The following ACSS3 variants were observed in gnomAD, a reference collection of about 807,000 sequenced individuals.
The protein encoded by ACSS3 is acyl-CoA synthetase short chain family member 3.
ACSS3 carries 64 observed loss-of-function variants against 84.2 expected under a neutral mutation model. The ratio of observed to expected loss-of-function variants is 0.76; its 90% CI spans 0.62 to 0.94. ACSS3 has a LOEUF of 0.94. Ranked by LOEUF, ACSS3 falls within the 40% of genes least tolerant of loss-of-function variation. The pLI, the probability that ACSS3 is intolerant of heterozygous loss-of-function variation, is 0.00. For synonymous variants in ACSS3, 317 were observed against 310.1 expected (o/e 1.02, Z -0.23); for missense variants, 815 against 867.6 (o/e 0.94, Z 0.76).
At chr12:81,081,161 C>T (rs1454391719) in intron 1 of ACSS3, among the ~76,000 whole-genome samples, 1 of 152,130 alleles carries the variant, frequency 6.6e-6, no homozygotes, top group Non-Finnish European at 1.5e-5. Flanking sequence ...AAAGTCTCAG[C>T]ATATAAATAG....
chr12:81,120,454 A>T (rs932369380), intron 2 of ACSS3, among the ~76,000 whole-genome samples: 4 of 152,354 alleles, frequency 2.6e-5, no homozygotes, highest in African/African-American at 7.2e-5. Flanking sequence ...AAAAATTAAC[A>T]TATGAAACTA....
chr12:81,249,273 C>T (rs2034081627), intron 13 of ACSS3, among the ~76,000 whole-genome samples: 2 of 152,016 alleles, frequency 1.3e-5, no homozygotes, highest in Non-Finnish European at 2.9e-5. Flanking sequence ...ACTGCTGTGG[C>T]TTTTCATGTG....
chr12:81,116,435 A>T (rs1408009304), intron 2 of ACSS3, among the ~76,000 whole-genome samples: 1 of 152,134 alleles, frequency 6.6e-6, no homozygotes, highest in Non-Finnish European at 1.5e-5. Context: ...AATCCCTTGA[A>T]TATTCTCAGA....
At chr12:81,090,333 T>C (rs771732584) in intron 1 of ACSS3, among the ~76,000 whole-genome samples, 20 of 152,060 alleles carry the variant, frequency 1.3e-4, no homozygotes, top group Non-Finnish European at 2.5e-4. Context: ...ATTTTGTCAC[T>C]TCACATCTAT....
intron 9 of ACSS3, among the ~76,000 whole-genome samples, chr12:81,216,583 C>T (rs866866472): frequency 2.0e-5 from 3 of 151,984 alleles, no homozygotes; most frequent in South Asian, 2.1e-4. Context: ...GTTATGGAAC[C>T]GTCCAAGTCA....
chr12:81,226,649 A>C (rs1921069), intron 11 of ACSS3, among the ~76,000 whole-genome samples: 1 of 151,876 alleles, frequency 6.6e-6, no homozygotes, highest in Non-Finnish European at 1.5e-5. Context: ...TGCTTTTACT[A>C]TATTGCGCTC....
chr12:81,220,164 T>TA, intron 11 of ACSS3, 88 bp downstream of exon 11: 1 of 678,452 alleles, frequency 1.5e-6, no homozygotes. Context: ...GTGTTACTGC[T>TA]ACTGAGGAAG....
intron 1 of ACSS3, chr12:81,094,618 G>A (rs968303139): frequency 1.3e-5 from 2 of 152,184 alleles, no homozygotes; most frequent in African/African-American, 4.8e-5. Flanking sequence ...ATGGACATGA[G>A]CTAAGTGTTG....
intron 9 of ACSS3, 144 bp downstream of exon 9, chr12:81,199,588 A>AT (rs1187073727): frequency 2.7e-6 from 4 of 1,482,238 alleles, no homozygotes; most frequent in African/African-American, 2.8e-5. Flanking sequence ...AAAATAAGCA[A>AT]TTTTTTTATT....
rs570527099 is a variant in ACSS3, at chr12:81,192,653, T to A, written c.1251-6688T>A. On this transcript the variant is annotated intron_variant, in intron 8 of 15. Transcript: ENST00000548058. ...CCTGGGTGTTTTATGTCACCTTTTTTCCATTGTGAATTTTAATCTTCGATT... is the reference window on the plus strand; with the variant it reads ...CCTGGGTGTTTTATGTCACCTTTTTACCATTGTGAATTTTAATCTTCGATT... Among the ~76,000 whole-genome samples, 41 of 152,306 alleles carry A rather than the reference T, an allele frequency of 2.7e-4. 1 individual carries two copies. The highest frequency in any genetic ancestry group is 9.6e-4 in the African/African-American group (40 of 41,566).
chr12:81,118,399 A>G (rs1465555762), intron 2 of ACSS3, among the ~76,000 whole-genome samples: 1 of 152,188 alleles, frequency 6.6e-6, no homozygotes, highest in African/African-American at 2.4e-5. Flanking sequence ...AAAGATATGT[A>G]TGTCCCAACT....
intron 8 of ACSS3, among the ~76,000 whole-genome samples, chr12:81,188,040 A>T (rs1025889197): frequency 1.3e-5 from 2 of 151,998 alleles, no homozygotes; most frequent in Non-Finnish European, 2.9e-5. Flanking sequence ...GAAGTAAATT[A>T]TATTCACTGG....
At chr12:81,196,138 A>G (rs1417146098) in intron 8 of ACSS3, among the ~76,000 whole-genome samples, 1 of 152,214 alleles carries the variant, frequency 6.6e-6, no homozygotes, top group East Asian at 1.9e-4. Flanking sequence ...AATTATTAGC[A>G]TAATGATTTG....
Position 81,138,783 on chromosome 12 carries a change from C to T in ACSS3, c.646-348C>T, listed in dbSNP as rs148126429. Reference sequence around the variant, plus strand: ...ACTACAACCTCAGCAGCAGCCAGCTCTTATTGGGGCCTTTGCAAGTAAGGG... The same window carrying T: ...ACTACAACCTCAGCAGCAGCCAGCTTTTATTGGGGCCTTTGCAAGTAAGGG... On this transcript the variant is annotated intron_variant, in intron 3 of 15. Coordinates refer to ENST00000548058, the MANE Select transcript of ACSS3 (RefSeq NM_024560.4). Among the ~76,000 whole-genome samples, 37 of 152,214 alleles carry T rather than the reference C, an allele frequency of 2.4e-4. No individual in the cohort carries two copies. The East Asian group carries it at 6.8e-3, about 28-fold the overall frequency.
Position 81,256,195 on chromosome 12 carries a change from A to C in ACSS3, c.*1273A>C, listed in dbSNP as rs571834342. The C allele has an allele frequency of 3.9e-5, 6 of 152,280 alleles. No homozygotes were observed. Among genetic ancestry groups the C allele is most frequent in the Non-Finnish European group, 7.4e-5 (5 of 68,012 alleles). The allele number at this position is 152,280 out of a possible 1,614,324, so 9.4% of individuals were successfully genotyped here. A position where few individuals can be genotyped will look rare whatever the true frequency, so the allele number is the denominator to read the frequency against. On this transcript the variant is annotated 3_prime_UTR_variant, in exon 16 of 16. Coordinates refer to ENST00000548058, the MANE Select transcript of ACSS3 (RefSeq NM_024560.4). ...CAGCGGACCCAGCAGAATATGGCCC[A>C]AAAAGGAGGCAGGTCTCCTGTTGCA...
intron 11 of ACSS3, among the ~76,000 whole-genome samples, chr12:81,224,025 A>G (rs1017128748): frequency 6.6e-6 from 1 of 151,948 alleles, no homozygotes; most frequent in Non-Finnish European, 1.5e-5. Context: ...TGCTGCCTCA[A>G]TTATTCACCT....
chr12:81,241,170 AT>A lies in ACSS3; in HGVS notation c.1719+7705del, dbSNP rs1274767907. On this transcript the variant is annotated intron_variant, in intron 13 of 15. Transcript: ENST00000548058. ...TCTGTACAAAGGACATGAACTCATC[AT>A]TTTTTATGGCTGCATAGTATTCCAT... Among the ~76,000 whole-genome samples, 16 of 152,046 alleles carry A rather than the reference AT, an allele frequency of 1.1e-4. No homozygotes were observed. In the South Asian group the frequency reaches 3.1e-3, roughly 30 times the overall value.
intron 8 of ACSS3, among the ~76,000 whole-genome samples, chr12:81,176,437 T>C (rs1312085366): frequency 6.6e-6 from 1 of 151,836 alleles, no homozygotes; most frequent in Non-Finnish European, 1.5e-5. Flanking sequence ...GGTGTGGTGG[T>C]GTGGGCCTGA....
intron 5 of ACSS3, among the ~76,000 whole-genome samples, chr12:81,149,478 G>T (rs995935719): frequency 6.6e-6 from 1 of 152,072 alleles, no homozygotes; most frequent in African/African-American, 2.4e-5. Flanking sequence ...CTTACAAAAC[G>T]TGAACCTGGA....
Sources: allele counts gnomAD v4.1 joint callset (sites outside exome capture counted in the v4.1 genomes callset), GRCh38; gene constraint gnomAD v4.1.1; transcripts MANE v1.5; gene names NCBI Gene and HGNC (gene_info 2026-07-23, HGNC 2026-07-21).